Variants in SGCD observed in about 807,000 individuals in gnomAD.
SGCD encodes the protein delta-sarcoglycan.
SGCD carries 18 observed loss-of-function variants against 36.6 expected under a neutral mutation model. The ratio of observed to expected loss-of-function variants is 0.49; its 90% CI spans 0.34 to 0.73. SGCD has a LOEUF of 0.73. Among genes scored for constraint, SGCD ranks in the 30% least tolerant of loss-of-function variants. The pLI, the probability that SGCD is intolerant of heterozygous loss-of-function variation, is 0.01. For synonymous variants in SGCD, 133 were observed against 130.6 expected (o/e 1.02, Z -0.12); for missense variants, 387 against 346.7 (o/e 1.12, Z -0.92).
In SGCD at chr5:155,923,147, A is replaced by G. The variant is rs374188341; in HGVS notation, c.-282+52723A>G. ...GTGAGCAAGACTAAGCAGGTGCTACAGGAAAATATGAAGAGATTTACATTT... is the reference window on the plus strand; with the variant it reads ...GTGAGCAAGACTAAGCAGGTGCTACGGGAAAATATGAAGAGATTTACATTT... On this transcript the variant is annotated intron_variant, in intron 1 of 9. Transcript: ENST00000517913. Among the ~76,000 whole-genome samples the G allele has an allele frequency of 1.0e-3, 156 of 152,334 alleles. 1 individual carries two copies. Among genetic ancestry groups the G allele is most frequent in the African/African-American group, 3.7e-3 (152 of 41,578 alleles).
At chr5:156,315,496 A>G (rs1419245732) in intron 3 of SGCD, among the ~76,000 whole-genome samples, 1 of 152,004 alleles carries the variant, frequency 6.6e-6, no homozygotes, top group Admixed American at 6.6e-5. Flanking sequence ...TTTTGTGACT[A>G]TTATGAATAA....
At chr5:155,937,308 A>G (rs1757229978) in intron 1 of SGCD, among the ~76,000 whole-genome samples, 1 of 152,220 alleles carries the variant, frequency 6.6e-6, no homozygotes, top group Non-Finnish European at 1.5e-5. Flanking sequence ...TGCTCCAGGC[A>G]GGCCGCTGCT....
At chr5:155,951,639 G>A (rs952189308) in intron 1 of SGCD, among the ~76,000 whole-genome samples, 1 of 151,990 alleles carries the variant, frequency 6.6e-6, no homozygotes, top group African/African-American at 2.4e-5. Context: ...TTTTCTGTAT[G>A]TATATTTTGA....
chr5:156,237,449 AC>A (rs1765194048), intron 3 of SGCD, among the ~76,000 whole-genome samples: 1 of 151,638 alleles, frequency 6.6e-6, no homozygotes, highest in South Asian at 2.1e-4. Flanking sequence ...ACACGGTGAA[AC>A]CCCCTCTCTA....
At chr5:156,084,620 T>C (rs906715433) in intron 1 of SGCD, among the ~76,000 whole-genome samples, 3 of 152,212 alleles carry the variant, frequency 2.0e-5, no homozygotes, top group African/African-American at 2.4e-5. Context: ...ATTTTCTATG[T>C]AGACAGTGAA....
In SGCD at chr5:156,597,773, G is replaced by C. The variant is rs534578845; in HGVS notation, c.502+2722G>C. On this transcript the variant is annotated intron_variant, in intron 6 of 8. Transcript: ENST00000337851. ...ATACTCTTTTTATAAAAGGTCTATT[G>C]ATTACTTGCTATGATTTAGGTACTA... Among the ~76,000 whole-genome samples the C allele has an allele frequency of 3.9e-5, 6 of 152,156 alleles. No homozygotes were observed. The East Asian group carries it at 1.2e-3, about 29-fold the overall frequency.
At chr5:156,060,438 C>T (rs1443421393) in intron 1 of SGCD, among the ~76,000 whole-genome samples, 2 of 146,368 alleles carry the variant, frequency 1.4e-5, no homozygotes, top group African/African-American at 4.9e-5. Context: ...TATCTTCTAG[C>T]CCAAAACAAG....
upstream of SGCD, among the ~76,000 whole-genome samples, chr5:155,869,634 C>G (rs1755592265): frequency 7.5e-6 from 1 of 133,120 alleles, no homozygotes; most frequent in Non-Finnish European, 1.5e-5. Flanking sequence ...AAGCTGTCTT[C>G]CTTTGGCAGA....
intron 1 of SGCD, among the ~76,000 whole-genome samples, chr5:156,038,941 T>C (rs1272861299): frequency 6.6e-6 from 1 of 152,162 alleles, no homozygotes; most frequent in African/African-American, 2.4e-5. Flanking sequence ...CCTGCTCAGT[T>C]TGGCCTCTGA....
chr5:156,298,377 A>G (rs1283819954), intron 3 of SGCD, among the ~76,000 whole-genome samples: 1 of 152,070 alleles, frequency 6.6e-6, no homozygotes, highest in Non-Finnish European at 1.5e-5. Context: ...TTACATTCCC[A>G]CCAACAGTGT....
At chr5:156,609,234 G>A (rs1434051319) in intron 6 of SGCD, among the ~76,000 whole-genome samples, 2 of 152,000 alleles carry the variant, frequency 1.3e-5, no homozygotes, top group South Asian at 2.1e-4. Flanking sequence ...TTTTAGGGCA[G>A]GCCTGGTGGT....
At chr5:156,552,919 T>G (rs989919127) in intron 4 of SGCD, among the ~76,000 whole-genome samples, 26 of 152,144 alleles carry the variant, frequency 1.7e-4, no homozygotes, top group African/African-American at 6.0e-4. Context: ...CATTTAGTGT[T>G]GCTATAAAGA....
chr5:155,790,462 G>A, the SGCD span, among the ~76,000 whole-genome samples: 2 of 151,826 alleles, frequency 1.3e-5, no homozygotes, highest in African/African-American at 4.8e-5. Flanking sequence ...AAGTAATAAG[G>A]TATAAAAGCA....
chr5:156,616,270 A>G (rs1394060891), intron 6 of SGCD, among the ~76,000 whole-genome samples: 1 of 152,140 alleles, frequency 6.6e-6, no homozygotes, highest in African/African-American at 2.4e-5. Context: ...TCCATCCTTG[A>G]ACTAGTTAGT....
At chr5:156,548,131 G>A (rs895974215) in intron 4 of SGCD, among the ~76,000 whole-genome samples, 1 of 152,158 alleles carries the variant, frequency 6.6e-6, no homozygotes, top group Non-Finnish European at 1.5e-5. Flanking sequence ...GAGTGAGAAT[G>A]TTTCTCTCCC....
intron 3 of SGCD, among the ~76,000 whole-genome samples, chr5:156,408,223 G>A (rs1391986622): frequency 1.3e-5 from 2 of 152,164 alleles, no homozygotes; most frequent in South Asian, 2.1e-4. Flanking sequence ...CAAGGGATAA[G>A]AGGACATCCA....
At chr5:156,462,366 C>T (rs1374700404) in intron 3 of SGCD, among the ~76,000 whole-genome samples, 1 of 152,118 alleles carries the variant, frequency 6.6e-6, no homozygotes, top group Non-Finnish European at 1.5e-5. Flanking sequence ...TAAGATGCTA[C>T]TCTACTGAAA....
intron 7 of SGCD, among the ~76,000 whole-genome samples, chr5:156,735,526 A>ATGTT (rs908747512): frequency 1.3e-5 from 2 of 152,056 alleles, no homozygotes; most frequent in Non-Finnish European, 2.9e-5. Context: ...CAGTCTTGCT[A>ATGTT]TGTTTTTGTA....
At chr5:155,879,324 A>C (rs1331993872) in intron 1 of SGCD, among the ~76,000 whole-genome samples, 2 of 152,146 alleles carry the variant, frequency 1.3e-5, no homozygotes, top group African/African-American at 4.8e-5. Flanking sequence ...CGCTAGAGTG[A>C]TTTCACTTTT....
Sources: gnomAD v4.1 joint callset for allele counts (sites outside exome capture counted in the v4.1 genomes callset) on GRCh38, gnomAD v4.1.1 for gene constraint, MANE v1.5 for transcripts, NCBI Gene and HGNC (gene_info 2026-07-23, HGNC 2026-07-21) for gene names.